The following FANCD2 variants were observed in gnomAD, a reference collection of about 807,000 sequenced individuals.
FANCD2 encodes FA complementation group D2.
A neutral mutation model predicts 192.3 loss-of-function variants in FANCD2; 131 were observed. The observed-to-expected ratio is 0.68, with a 90% confidence interval of 0.59 to 0.79. The LOEUF (loss-of-function observed/expected upper bound fraction) is 0.79, where lower values mean the gene tolerates loss of function less well. FANCD2 is among the 30% of genes least tolerant of loss of function. The pLI is 0.00. For missense variants in FANCD2, 1,508 were observed against 1,701.6 expected, an observed-to-expected ratio of 0.89 and a Z score of 2.00; for synonymous variants, 524 against 612.5, an observed-to-expected ratio of 0.86 and a Z score of 2.13.
chr3:10,054,111 C>T (rs1473547385), intron 18 of FANCD2, among the ~76,000 whole-genome samples: 3 of 151,292 alleles, frequency 2.0e-5, no homozygotes, highest in Non-Finnish European at 4.4e-5. Context: ...ACTCAGGAGG[C>T]GGAGGTGGGA....
At chr3:10,050,915 T>A (rs568532917) in intron 17 of FANCD2, among the ~76,000 whole-genome samples, 1 of 150,972 alleles carries the variant, frequency 6.6e-6, no homozygotes, top group East Asian at 2.0e-4. Flanking sequence ...GAGAAAGCCC[T>A]CCTCTACTAA....
chr3:10,100,805 C>T (rs1442248144), intron 43 of FANCD2, among the ~76,000 whole-genome samples: 2 of 152,184 alleles, frequency 1.3e-5, no homozygotes, highest in African/African-American at 4.8e-5. Flanking sequence ...CGCAATGGCT[C>T]ACGCCTGTAA....
At chr3:10,090,471 T>A in intron 37 of FANCD2, 86 bp downstream of exon 37, 1 of 808,400 alleles carries the variant, frequency 1.2e-6, no homozygotes, top group Non-Finnish European at 1.9e-6. Flanking sequence ...TTTTTTTTTT[T>A]CTGAGACAGA....
intron 21 of FANCD2, 151 bp from the exon 22 acceptor site, chr3:10,064,205 C>G (rs926238067): frequency 2.0e-5 from 16 of 802,872 alleles, no homozygotes; most frequent in Non-Finnish European, 3.4e-5. Context: ...TATGCACTCT[C>G]TCTTTTCTAC....
chr3:10,032,777 G>C (rs1232546044), intron 2 of FANCD2, 55 bp from the exon 3 acceptor site: 6 of 1,479,382 alleles, frequency 4.1e-6, no homozygotes, highest in Non-Finnish European at 5.6e-6. Flanking sequence ...CTGGGTTTAA[G>C]TTTTAATTTT....
At chr3:10,100,129 A>C (rs2125103680) in intron 43 of FANCD2, among the ~76,000 whole-genome samples, 1 of 152,182 alleles carries the variant, frequency 6.6e-6, no homozygotes, top group African/African-American at 2.4e-5. Flanking sequence ...TGGAGGCTGC[A>C]GTGAGCCATC....
In FANCD2 at chr3:10,082,919, T is replaced by C. The variant is rs555611642; in HGVS notation, c.3224+1455T>C. Reference sequence around the variant, plus strand: ...TTGAACAATTTATCAAAGAGACTTATAGATGGCAAATAAACATGTGAAAGG... The same window carrying C: ...TTGAACAATTTATCAAAGAGACTTACAGATGGCAAATAAACATGTGAAAGG... On this transcript the variant is annotated intron_variant, in intron 32 of 43. Coordinates refer to ENST00000675286, the MANE Select transcript of FANCD2 (RefSeq NM_001018115.3). 2.0e-5 allele frequency among the ~76,000 whole-genome samples: 3 copies of C among 152,314 alleles called. No individual in the cohort carries two copies. In the South Asian group the frequency reaches 6.2e-4, roughly 32 times the overall value.
intron 1 of FANCD2, 58 bp downstream of exon 1, chr3:10,026,531 T>A: frequency 2.1e-6 from 1 of 476,598 alleles, no homozygotes; most frequent in Non-Finnish European, 2.7e-6. Flanking sequence ...TGCGGCCTAA[T>A]CTCTAAGTCC....
chr3:10,041,263 G>A (rs1267092928), intron 9 of FANCD2: 1 of 271,482 alleles, frequency 3.7e-6, no homozygotes, highest in East Asian at 1.0e-4. Context: ...TTGTGCTCCT[G>A]TAGCACCACC....
At chr3:10,088,757 G>A in intron 35 of FANCD2, 71 bp from the exon 36 acceptor site, 1 of 1,504,266 alleles carries the variant, frequency 6.6e-7, no homozygotes, top group Non-Finnish European at 9.2e-7. Context: ...AGATCATAGA[G>A]GAATTAGAGG....
At chr3:10,050,919 C>G (rs113097509) in intron 17 of FANCD2, among the ~76,000 whole-genome samples, 1 of 151,378 alleles carries the variant, frequency 6.6e-6, no homozygotes, top group African/African-American at 2.4e-5. Context: ...AAGCCCTCCT[C>G]TACTAAAAAT....
rs758749466 is a variant in FANCD2, at chr3:10,088,531, T to C, written c.3549T>C (p.His1183=). 24 of 1,600,312 alleles carry C rather than the reference T, an allele frequency of 1.5e-5. No homozygotes were observed. The highest frequency in any genetic ancestry group is 8.6e-7 in the Non-Finnish European group (1 of 1,167,520). The change falls in exon 35 of 44, where the codon CAT becomes CAC. Residue 1183 remains histidine, a synonymous_variant. Transcript: ENST00000675286. ...GCAACATCTCTAATGACCAGCTCCA[T>C]GCTCTGCTCTGGTGAGATGTTTGGT... ...EKSNISNDQL[H]ALLCIYLEHT...
chr3:10,089,847 G>C (rs1231740353), intron 36 of FANCD2, among the ~76,000 whole-genome samples: 1 of 152,140 alleles, frequency 6.6e-6, no homozygotes, highest in Non-Finnish European at 1.5e-5. Context: ...AATATCAATA[G>C]TTATCTTAAC....
At chr3:10,081,067 G>A in intron 30 of FANCD2, 33 bp from the exon 31 acceptor site, 1 of 1,613,694 alleles carries the variant, frequency 6.2e-7, no homozygotes, top group Non-Finnish European at 8.5e-7. Flanking sequence ...CTATCCAGCA[G>A]TTTCTTCACT....
intron 1 of FANCD2, among the ~76,000 whole-genome samples, chr3:10,027,097 C>T (rs888024995): frequency 6.6e-6 from 1 of 152,186 alleles, no homozygotes; most frequent in Non-Finnish European, 1.5e-5. Flanking sequence ...TTCTTGTTAG[C>T]TTTTAGCATT....
intron 18 of FANCD2, among the ~76,000 whole-genome samples, chr3:10,055,395 C>T (rs2087378634): frequency 6.6e-6 from 1 of 152,114 alleles, no homozygotes; most frequent in Non-Finnish European, 1.5e-5. Context: ...CTAGATGCCT[C>T]ATATAAATGG....
intron 18 of FANCD2, 48 bp from the exon 19 acceptor site, chr3:10,060,246 T>A (rs1422929212): frequency 7.6e-7 from 1 of 1,318,006 alleles, no homozygotes; most frequent in African/African-American, 1.4e-5. Flanking sequence ...TACCTTCTTT[T>A]GCTGTGCCAT....
At chr3:10,042,968 A>G in intron 11 of FANCD2, 82 bp from the exon 12 acceptor site, 1 of 1,229,292 alleles carries the variant, frequency 8.1e-7, no homozygotes, top group Non-Finnish European at 1.2e-6. Flanking sequence ...GTCTTTCAGG[A>G]GATTGTCATG....
chr3:10,052,228 A>G (rs944404584), intron 17 of FANCD2, among the ~76,000 whole-genome samples, 159 bp from the exon 18 acceptor site: 7 of 152,244 alleles, frequency 4.6e-5, no homozygotes, highest in Admixed American at 2.0e-4. Flanking sequence ...GGCTCTGAGC[A>G]TAGCTTTTAG....
Sources: allele counts gnomAD v4.1 joint callset (sites outside exome capture counted in the v4.1 genomes callset), GRCh38; gene constraint gnomAD v4.1.1; transcripts MANE v1.5; gene names NCBI Gene and HGNC (gene_info 2026-07-23, HGNC 2026-07-21).